KCNA7: variants seen among roughly 807,000 people sequenced by gnomAD.
KCNA7 encodes the protein potassium channel, voltage gated shaker related subfamily A, member 7.
KCNA7 carries 15 observed loss-of-function variants against 21.5 expected under a neutral mutation model. The observed-to-expected ratio is 0.70, with a 90% confidence interval of 0.47 to 1.07. KCNA7 has a LOEUF of 1.07. KCNA7 is among the 50% of genes least tolerant of loss of function. KCNA7 has a pLI of 0.00. For missense variants in KCNA7, 640 were observed against 651.6 expected, an observed-to-expected ratio of 0.98 and a Z score of 0.19; for synonymous variants, 298 against 291.0, an observed-to-expected ratio of 1.02 and a Z score of -0.24.
Position 49,072,108 on chromosome 19 carries a change from A to C in KCNA7, c.478T>G (p.Phe160Val). 1 of 1,612,354 alleles carries C rather than the reference A, an allele frequency of 6.2e-7. No homozygotes were observed. The highest frequency in any genetic ancestry group is 1.7e-5 in the Admixed American group (1 of 59,996). The change falls in exon 1 of 2, where the codon TTC (phenylalanine) becomes GTC (valine). Residue 160 changes from phenylalanine to valine, a missense_variant. Transcript: ENST00000221444. Reference sequence around the variant, plus strand: ...AAGTCAGGCAGCGTCTCGAGGCAGAAGACGACGATGGAGACGAGGATGACC... The same window carrying C: ...AAGTCAGGCAGCGTCTCGAGGCAGACGACGACGATGGAGACGAGGATGACC... ...VLVILVSIVV[F>V]CLETLPDFRD...
chr19:49,070,607 A>G lies in KCNA7; in HGVS notation c.827T>C (p.Ile276Thr), dbSNP rs1465719059. The change falls in exon 2 of 2, where the codon ATC becomes ACC. Residue 276 changes from isoleucine (I) to threonine (T), a missense_variant. By Grantham distance (89) the Ile-to-Thr change is moderately conservative. Transcript: ENST00000221444. This position sits in a 1 kb window ranked among gnomAD's most constrained non-coding sequence, Gnocchi z 4.3. ...ACGCACCAATCGGATGACTCTCAGG[A>G]TGGCCAGTGACATGGCCTGCTGGCC... is the stretch of plus-strand genomic sequence containing the variant. The part of the protein sequence containing the change: ...GVGQQAMSLA[I>T]LRVIRLVRVF... 6.2e-7 allele frequency: 1 copy of G among 1,614,084 alleles called. No homozygotes were observed. The highest frequency in any genetic ancestry group is 1.3e-5 in the African/African-American group (1 of 74,930).
Position 49,070,344 on chromosome 19 carries a change from T to C in KCNA7, c.1090A>G (p.Met364Val). ...VTMTTVGYGD[M>V]APVTVGGKIV... ...TTGCCACCCACAGTGACGGGTGCCA[T>C]GTCTCCATAGCCAACTGTAGTCATG... Residue 364 changes from methionine (M) to valine (V), a missense_variant, in exon 2 of 2, where the codon ATG (methionine) becomes GTG (valine). Met to Val is a conservative substitution (Grantham distance 21). Transcript: ENST00000221444. This position sits in a 1 kb window ranked among gnomAD's most constrained non-coding sequence, Gnocchi z 4.3. 3.1e-6 allele frequency: 5 copies of C among 1,614,150 alleles called. No homozygotes were observed. The South Asian group carries it at 3.3e-5, about 11-fold the overall frequency.
Position 49,069,155 on chromosome 19 carries a change from A to C in KCNA7, c.*908T>G, listed in dbSNP as rs574669923. On this transcript the variant is annotated 3_prime_UTR_variant, in exon 2 of 2. Coordinates refer to ENST00000221444, the MANE Select transcript of KCNA7 (RefSeq NM_031886.3). The stretch of plus-strand genomic sequence containing the variant: ...GTCCTGGTGCTACCACTAAATGCAA[A>C]ACAGCCCGATGTGGCCCTATGGAAC... 2 of 152,376 alleles carry C rather than the reference A, an allele frequency of 1.3e-5. No individual in the cohort carries two copies. Among genetic ancestry groups the C allele is most frequent in the Admixed American group, 6.5e-5 (1 of 15,290 alleles). 9.4% of individuals were successfully genotyped at this position (152,376 alleles called of 1,614,324 possible). A position where few individuals can be genotyped will look rare whatever the true frequency, so the allele number is the denominator to read the frequency against.
In KCNA7 at chr19:49,070,330, A is replaced by G; in HGVS notation, c.1104T>C (p.Thr368=). Residue 368 remains threonine, a synonymous_variant, in exon 2 of 2, where the codon ACT becomes ACC. Transcript: ENST00000221444. The surrounding 1 kb of genome is among the most constrained non-coding windows in gnomAD (Gnocchi z 4.3). The part of the protein sequence containing the change: ...TVGYGDMAPV[T]VGGKIVGSLC... Reference sequence around the variant, plus strand: ...GAGAGCCCACTATCTTGCCACCCACAGTGACGGGTGCCATGTCTCCATAGC... The same window carrying G: ...GAGAGCCCACTATCTTGCCACCCACGGTGACGGGTGCCATGTCTCCATAGC... 2 of 1,614,172 alleles carry G rather than the reference A, an allele frequency of 1.2e-6. No homozygotes were observed. Among genetic ancestry groups the G allele is most frequent in the Non-Finnish European group, 1.7e-6 (2 of 1,180,038 alleles).
In KCNA7 at chr19:49,069,765, T is replaced by C; in HGVS notation, c.*298A>G. On this transcript the variant is annotated 3_prime_UTR_variant, in exon 2 of 2. Transcript: ENST00000221444. ...ACTCACAAAATGATACGACCAAACC[T>C]ATCTCAACACTACCCCAAAAGGCTC... 1 of 368,516 alleles carries C rather than the reference T, an allele frequency of 2.7e-6. No individual in the cohort carries two copies. The highest frequency in any genetic ancestry group is 4.8e-5 in the East Asian group (1 of 20,878). 22.8% of individuals were successfully genotyped at this position (368,516 alleles called of 1,614,324 possible). A position where few individuals can be genotyped will look rare whatever the true frequency, so the allele number is the denominator to read the frequency against.
intron 1 of KCNA7, among the ~76,000 whole-genome samples, chr19:49,071,171 G>C (rs1003002220): frequency 1.3e-5 from 2 of 152,020 alleles, no homozygotes; most frequent in African/African-American, 4.8e-5. Flanking sequence ...TCAAAGTCCC[G>C]CCTCCAGTGT....
At position 49,070,956 on chromosome 19, in the gene KCNA7, C is replaced by T. The variant is rs2040253729; in HGVS notation, c.556-78G>A. 8.0e-7 allele frequency: 1 copy of T among 1,250,406 alleles called. No individual in the cohort carries two copies. Among genetic ancestry groups the T allele is most frequent in the East Asian group, 2.5e-5 (1 of 40,026 alleles). 77.5% of individuals were successfully genotyped at this position (1,250,406 alleles called of 1,614,324 possible). A position where few individuals can be genotyped will look rare whatever the true frequency, so the allele number is the denominator to read the frequency against. The stretch of plus-strand genomic sequence containing the variant: ...ACAGCCTTAATCATCATTTAAATAC[C>T]CAGCTCCTCTTTACACATTGGTCAG... On this transcript the variant is annotated intron_variant, in intron 1 of 1. Transcript: ENST00000221444. The surrounding 1 kb of genome is among the most constrained non-coding windows in gnomAD (Gnocchi z 4.3).
Position 49,071,932 on chromosome 19 carries a change from G to T in KCNA7, c.555+99C>A. ...CCTGTCTTCGGCTGGCCCACCCCTC[G>T]CAGCCCCTGGCCCCGCCTTATGATT... On this transcript the variant is annotated intron_variant, in intron 1 of 1. Transcript: ENST00000221444. 4 of 436,092 alleles carry T rather than the reference G, an allele frequency of 9.2e-6. No homozygotes were observed. In the South Asian group the frequency reaches 1.3e-4, roughly 14 times the overall value. 27.0% of individuals were successfully genotyped at this position (436,092 alleles called of 1,614,324 possible).
Position 49,072,256 on chromosome 19 carries a change from C to T in KCNA7, c.330G>A (p.Glu110=). ...GGCGCTCGGGCGGCACCGGGCAGCC[C>T]TCGTCCTCGCGCAGGCGTGCCAGGG... ...AAALARLRED[E]GCPVPPERPL... The change falls in exon 1 of 2, where the codon GAG becomes GAA. Residue 110 remains glutamate (E), a synonymous_variant. Transcript: ENST00000221444. 2 of 1,588,018 alleles carry T rather than the reference C, an allele frequency of 1.3e-6. No homozygotes were observed. Among genetic ancestry groups the T allele is most frequent in the Non-Finnish European group, 1.7e-6 (2 of 1,169,568 alleles).
rs2040247173 is a variant in KCNA7 at position 49,070,263 on chromosome 19, G to T, written c.1171C>A (p.Pro391Thr). The T allele has an allele frequency of 6.2e-7, 1 of 1,614,084 alleles. No individual in the cohort carries two copies. The highest frequency in any genetic ancestry group is 1.3e-5 in the African/African-American group (1 of 74,930). The change falls in exon 2 of 2, where the codon CCC (proline) becomes ACC (threonine). Residue 391 changes from proline (P) to threonine (T), a missense_variant. Physicochemically the swap from Pro to Thr is conservative, Grantham distance 38. Coordinates refer to ENST00000221444, the MANE Select transcript of KCNA7 (RefSeq NM_031886.3). The surrounding 1 kb of genome is among the most constrained non-coding windows in gnomAD (Gnocchi z 4.3). ...TAGCTGAAATTGGAGACAATGACGG[G>T]CACTGGCAGGGAAATAGTCAGCACG... is the stretch of plus-strand genomic sequence containing the variant. Reference protein sequence around the residue: ...AGVLTISLPVPVIVSNFSYFY... With the variant: ...AGVLTISLPVTVIVSNFSYFY...
In KCNA7 at chr19:49,070,311, C is replaced by G; in HGVS notation, c.1123G>C (p.Gly375Arg). 1 of 1,614,184 alleles carries G rather than the reference C, an allele frequency of 6.2e-7. No individual in the cohort carries two copies. The highest frequency in any genetic ancestry group is 8.5e-7 in the Non-Finnish European group (1 of 1,180,036). Residue 375 changes from glycine to arginine, a missense_variant, in exon 2 of 2, where the codon GGC becomes CGC. Physicochemically the swap from Gly to Arg is moderately radical, Grantham distance 125. Transcript: ENST00000221444. The surrounding 1 kb of genome is among the most constrained non-coding windows in gnomAD (Gnocchi z 4.3). Reference sequence around the variant, plus strand: ...ACGCCCGCAATGGCACACAGAGAGCCCACTATCTTGCCACCCACAGTGACG... The same window carrying G: ...ACGCCCGCAATGGCACACAGAGAGCGCACTATCTTGCCACCCACAGTGACG... ...APVTVGGKIVGSLCAIAGVLT... is the reference protein window; with the variant it reads ...APVTVGGKIVRSLCAIAGVLT...
rs2040238925 is a variant in KCNA7, at chr19:49,069,175, T to A, written c.*888A>T. On this transcript the variant is annotated 3_prime_UTR_variant, in exon 2 of 2. Transcript: ENST00000221444. The stretch of plus-strand genomic sequence containing the variant: ...TGCAAAACAGCCCGATGTGGCCCTA[T>A]GGAACTCGTTCGCACAGTCCAACTC... 6.6e-6 allele frequency: 1 copy of A among 152,274 alleles called. No individual in the cohort carries two copies. The highest frequency in any genetic ancestry group is 2.4e-5 in the African/African-American group (1 of 41,434). The allele number at this position is 152,274 out of a possible 1,614,324, so 9.4% of individuals were successfully genotyped here. A position where few individuals can be genotyped will look rare whatever the true frequency, so the allele number is the denominator to read the frequency against.
Position 49,072,606 on chromosome 19 carries a change from C to G in KCNA7, c.-21G>C. 8.3e-7 allele frequency: 1 copy of G among 1,200,330 alleles called. No homozygotes were observed. The allele number at this position is 1,200,330 out of a possible 1,614,324, so 74.4% of individuals were successfully genotyped here. On this transcript the variant is annotated 5_prime_UTR_variant, in exon 1 of 2. Coordinates refer to ENST00000221444, the MANE Select transcript of KCNA7 (RefSeq NM_031886.3). ...TCCATGGCGCGCGCAGCCCCGGCGA[C>G]CCGCGAACCGACGTGTGGCCCCGAC...
chr19:49,072,443 A>C lies in KCNA7; in HGVS notation c.143T>G (p.Phe48Cys). The change falls in exon 1 of 2, where the codon TTC becomes TGC. Residue 48 changes from phenylalanine to cysteine, a missense_variant. By Grantham distance (205) the Phe-to-Cys change is radical (BLOSUM62 -2). Coordinates refer to ENST00000221444, the MANE Select transcript of KCNA7 (RefSeq NM_031886.3). ...LLGDPARRGR[F>C]YDDARREYFF... ...ATACTCGCGGCGCGCGTCGTCGTAG[A>C]AGCGGCCGCGGCGCGCTGGGTCCCC... 6.4e-7 allele frequency: 1 copy of C among 1,574,168 alleles called. No homozygotes were observed. The highest frequency in any genetic ancestry group is 8.6e-7 in the Non-Finnish European group (1 of 1,169,146).
chr19:49,069,353 G>A lies in KCNA7; in HGVS notation c.*710C>T, dbSNP rs943869861. On this transcript the variant is annotated 3_prime_UTR_variant, in exon 2 of 2. Transcript: ENST00000221444. The stretch of plus-strand genomic sequence containing the variant: ...AATTCAACACAACTCAACTCGCTGT[G>A]GCCACGAAAAATGTCCAGCCACACA... The A allele has an allele frequency of 2.6e-5, 4 of 152,030 alleles. No homozygotes were observed. Among genetic ancestry groups the A allele is most frequent in the Non-Finnish European group, 5.9e-5 (4 of 68,040 alleles). The allele number at this position is 152,030 out of a possible 1,614,324, so 9.4% of individuals were successfully genotyped here. A position where few individuals can be genotyped will look rare whatever the true frequency, so the allele number is the denominator to read the frequency against.
chr19:49,071,207 T>G (rs1358478112), intron 1 of KCNA7, among the ~76,000 whole-genome samples: 1 of 152,092 alleles, frequency 6.6e-6, no homozygotes, highest in African/African-American at 2.4e-5. Context: ...GGAGCATCCC[T>G]GCCCTGGCCC....
In KCNA7 at chr19:49,072,698, C is replaced by A; in HGVS notation, c.-113G>T. The A allele has an allele frequency of 4.4e-6, 3 of 685,416 alleles. No individual in the cohort carries two copies. Among genetic ancestry groups the A allele is most frequent in the Non-Finnish European group, 5.2e-6 (3 of 581,000 alleles). The allele number at this position is 685,416 out of a possible 1,614,324, so 42.5% of individuals were successfully genotyped here. ...CGCCGCCGCCGCCCCAGCCCGGTGT[C>A]CGGTGTCCGGTGTCCGCGCGTAAAA... On this transcript the variant is annotated 5_prime_UTR_variant, in exon 1 of 2. Transcript: ENST00000221444.
At chr19:49,071,933 C>A (rs2040260262) in intron 1 of KCNA7, 98 bp downstream of exon 1, 1 of 1,218,188 alleles carries the variant, frequency 8.2e-7, no homozygotes, top group African/African-American at 1.6e-5. Flanking sequence ...CCACCCCTCG[C>A]AGCCCCTGGC....
rs753431096 is a variant in KCNA7, at chr19:49,070,873, G to A, written c.561C>T (p.Pro187=). The A allele has an allele frequency of 3.8e-5, 62 of 1,611,162 alleles. No homozygotes were observed. Among genetic ancestry groups the A allele is most frequent in the East Asian group, 1.3e-4 (6 of 44,864 alleles). ...LAAAAAAGPF[P]APLNGSSQMP... is the part of the protein sequence containing the mutation. Reference sequence around the variant, plus strand: ...TTTGGCTGGAGCCATTCAGCGGAGCGGGGAACTGCAGGGAGGAAAGTGTTC... The same window carrying A: ...TTTGGCTGGAGCCATTCAGCGGAGCAGGGAACTGCAGGGAGGAAAGTGTTC... The change falls in exon 2 of 2, where the codon CCC becomes CCT. Residue 187 remains proline (P), a synonymous_variant. Coordinates refer to ENST00000221444, the MANE Select transcript of KCNA7 (RefSeq NM_031886.3). This position sits in a 1 kb window ranked among gnomAD's most constrained non-coding sequence, Gnocchi z 4.3.
Sources: gnomAD v4.1 joint callset for allele counts (sites outside exome capture counted in the v4.1 genomes callset) on GRCh38, gnomAD v4.1.1 for gene constraint, Gnocchi (gnomAD v3.1) non-coding constraint, MANE v1.5 for transcripts, NCBI Gene and HGNC (gene_info 2026-07-23, HGNC 2026-07-21) for gene names.